Variants in METAP2 observed in about 807,000 individuals in gnomAD.
METAP2 encodes the protein methionyl aminopeptidase 2, also known as methionine aminopeptidase 2.
Under a neutral mutation model 59.4 loss-of-function variants are expected in METAP2, and 25 were observed. That is an observed-to-expected ratio of 0.42 (90% CI 0.31 to 0.59). METAP2 has a LOEUF of 0.59. Ranked by LOEUF, METAP2 falls within the 20% of genes least tolerant of loss-of-function variation. The pLI is 0.16. For missense variants in METAP2, 366 were observed against 581.2 expected (o/e 0.63, Z 3.81); for synonymous variants, 214 against 194.1 (o/e 1.10, Z -0.85).
At chr12:95,475,136 T>C in intron 1 of METAP2, among the ~76,000 whole-genome samples, 1 of 152,188 alleles carries the variant, frequency 6.6e-6, no homozygotes, top group East Asian at 1.9e-4. Context: ...GAAGTCTGTG[T>C]TTTTGCTGCA....
At chr12:95,513,110 C>CACACAT (rs1381713023) in intron 10 of METAP2, among the ~76,000 whole-genome samples, 194 bp downstream of exon 10, 4 of 151,602 alleles carry the variant, frequency 2.6e-5, no homozygotes, top group Non-Finnish European at 5.9e-5. Context: ...CACACACACA[C>CACACAT]ACACACACAC....
intron 2 of METAP2, among the ~76,000 whole-genome samples, chr12:95,478,565 G>A (rs1422981653): frequency 6.6e-6 from 1 of 152,030 alleles, no homozygotes; most frequent in Non-Finnish European, 1.5e-5. Flanking sequence ...CCAGGAGGTG[G>A]AGGTTGCTGT....
chr12:95,478,404 G>A (rs893771238), intron 2 of METAP2, among the ~76,000 whole-genome samples: 4 of 152,152 alleles, frequency 2.6e-5, no homozygotes, highest in Non-Finnish European at 4.4e-5. Flanking sequence ...GCTGAGGTGG[G>A]TGGATCACCT....
intron 4 of METAP2, 96 bp from the exon 5 acceptor site, chr12:95,493,960 T>G (rs2076257893): frequency 9.4e-7 from 1 of 1,067,034 alleles, no homozygotes; most frequent in Non-Finnish European, 1.3e-6. Context: ...ATGTACTGTA[T>G]TTTTATTTGA....
chr12:95,506,909 A>T (rs1247279623), intron 8 of METAP2, among the ~76,000 whole-genome samples: 1 of 151,448 alleles, frequency 6.6e-6, no homozygotes, highest in Non-Finnish European at 1.5e-5. Context: ...CAGCCTCCCG[A>T]GTAGTTGGGA....
intron 9 of METAP2, 110 bp from the exon 10 acceptor site, chr12:95,512,691 G>A (rs2140169002): frequency 3.1e-6 from 2 of 639,692 alleles, no homozygotes; most frequent in South Asian, 4.0e-5. Context: ...CAGCCTGGCA[G>A]CAGAGAGAGA....
At chr12:95,479,571 G>T (rs920398065) in intron 2 of METAP2, among the ~76,000 whole-genome samples, 8 of 152,056 alleles carry the variant, frequency 5.3e-5, no homozygotes, top group Non-Finnish European at 1.2e-4. Flanking sequence ...TTTTGAGTCA[G>T]GCTCATTAAC....
At chr12:95,486,307 G>A (rs979766255) in intron 4 of METAP2, among the ~76,000 whole-genome samples, 6 of 151,842 alleles carry the variant, frequency 4.0e-5, no homozygotes, top group Admixed American at 1.3e-4. Context: ...TTCATAATGC[G>A]TTATCTACAA....
intron 7 of METAP2, among the ~76,000 whole-genome samples, chr12:95,496,360 T>C (rs2076275439): frequency 6.6e-6 from 1 of 152,202 alleles, no homozygotes; most frequent in Non-Finnish European, 1.5e-5. Context: ...TATTTTTGCC[T>C]GTCAGTTGGC....
chr12:95,493,024 C>CT (rs1163397797), intron 4 of METAP2, among the ~76,000 whole-genome samples: 1 of 152,126 alleles, frequency 6.6e-6, no homozygotes, highest in Non-Finnish European at 1.5e-5. Flanking sequence ...CACTTTTACA[C>CT]TTGTGTAATT....
intron 8 of METAP2, among the ~76,000 whole-genome samples, chr12:95,510,292 G>A (rs997623477): frequency 6.6e-6 from 1 of 152,134 alleles, no homozygotes; most frequent in African/African-American, 2.4e-5. Flanking sequence ...TTCTTAGTCC[G>A]TTTTGTGCTG....
rs200336972 is a variant in METAP2, at chr12:95,489,458, T to C, written c.428+3477T>C. 3.9e-5 allele frequency among the ~76,000 whole-genome samples: 6 copies of C among 152,192 alleles called. No homozygotes were observed. The East Asian group carries it at 7.7e-4, about 19-fold the overall frequency. ...AATACAGAATAAGTATAAGATAGTG[T>C]GGTGTGTTTGCTTTTTAATAAATCT... On this transcript the variant is annotated intron_variant, in intron 4 of 10. Coordinates refer to ENST00000323666, the MANE Select transcript of METAP2 (RefSeq NM_006838.4).
chr12:95,487,310 G>T (rs2076204393), intron 4 of METAP2, among the ~76,000 whole-genome samples: 1 of 149,726 alleles, frequency 6.7e-6, no homozygotes, highest in African/African-American at 2.4e-5. Context: ...GGCCTGTAAA[G>T]ACACCATTTT....
At chr12:95,484,492 T>TA (rs543386243) in intron 3 of METAP2, among the ~76,000 whole-genome samples, 350 of 142,258 alleles carry the variant, frequency 2.5e-3, no homozygotes, top group Middle Eastern at 3.6e-3. Context: ...TTTCTTAAAT[T>TA]AAAAAAAAAA....
chr12:95,486,567 G>A (rs1360437911), intron 4 of METAP2, among the ~76,000 whole-genome samples: 5 of 151,260 alleles, frequency 3.3e-5, no homozygotes, highest in Admixed American at 6.6e-5. Context: ...CTGGGATCTC[G>A]GCTCACTGCA....
intron 7 of METAP2, among the ~76,000 whole-genome samples, chr12:95,501,054 C>G (rs1182102940): frequency 2.1e-5 from 3 of 145,988 alleles, no homozygotes; most frequent in African/African-American, 7.7e-5. Context: ...CCTTGTTACC[C>G]AGGCTGGAGT....
rs368888571 is a variant in METAP2 at position 95,483,242 on chromosome 12, C to T, written c.287C>T (p.Thr96Ile). The T allele has an allele frequency of 1.9e-6, 3 of 1,612,662 alleles. No individual in the cohort carries two copies. In the African/African-American group the frequency reaches 4.0e-5, roughly 22 times the overall value. ...EDGDGDGDGA[T>I]GKKKKKKKKK... The stretch of plus-strand genomic sequence containing the variant: ...GGAGATGGCGATGGAGATGGAGCAA[C>T]TGGAAAGAAGAAGAAAAAGAAGAAG... Residue 96 changes from threonine (T) to isoleucine (I), a missense_variant, in exon 3 of 11, where the codon ACT becomes ATT. This residue lies in a region of METAP2 where 177 missense variants were observed against 180.3 expected (regional missense o/e 0.98). Transcript: ENST00000323666.
chr12:95,504,490 T>A (rs1331952984), intron 8 of METAP2, among the ~76,000 whole-genome samples: 2 of 152,168 alleles, frequency 1.3e-5, no homozygotes, highest in Non-Finnish European at 2.9e-5. Context: ...TTTTTGTTGT[T>A]GTTTTTTGTT....
chr12:95,502,830 A>T (rs965271746), intron 7 of METAP2, among the ~76,000 whole-genome samples: 3 of 151,654 alleles, frequency 2.0e-5, no homozygotes, highest in African/African-American at 7.3e-5. Context: ...TGCCTGCTCA[A>T]ATACTTTTGA....
Sources: allele counts gnomAD v4.1 joint callset (sites outside exome capture counted in the v4.1 genomes callset), GRCh38; gene constraint gnomAD v4.1.1; regional missense constraint gnomAD v4.1.1; transcripts MANE v1.5; gene names NCBI Gene and HGNC (gene_info 2026-07-23, HGNC 2026-07-21).